RBFOX3: variants seen among roughly 807,000 people sequenced by gnomAD.
RBFOX3 encodes RNA binding fox-1 homolog 3.
In RBFOX3, 17 loss-of-function variants were observed where a neutral mutation model predicts 48.7. The observed-to-expected ratio is 0.35, with a 90% CI of 0.24 to 0.52. The LOEUF is 0.52. Ranked by LOEUF, RBFOX3 falls within the 20% of genes least tolerant of loss-of-function variation. The pLI is 0.94. For missense variants in RBFOX3, 382 were observed against 497.5 expected (o/e 0.77, Z 2.21); for synonymous variants, 212 against 209.5 (o/e 1.01, Z -0.10).
intron 4 of RBFOX3, among the ~76,000 whole-genome samples, chr17:79,138,393 G>C (rs1341920882): frequency 6.6e-6 from 1 of 151,822 alleles, no homozygotes; most frequent in Non-Finnish European, 1.5e-5. Context: ...CATACACAGT[G>C]CACACTCTCA....
At chr17:79,336,989 G>A (rs1283986820) in intron 2 of RBFOX3, among the ~76,000 whole-genome samples, 2 of 152,070 alleles carry the variant, frequency 1.3e-5, no homozygotes, top group Non-Finnish European at 1.5e-5. Context: ...GCATGGTAGT[G>A]CACGCCTGTA....
intron 2 of RBFOX3, among the ~76,000 whole-genome samples, chr17:79,465,936 TC>T (rs2076254135): frequency 6.6e-6 from 1 of 152,082 alleles, no homozygotes. Context: ...CTGCACCCAT[TC>T]CCCTCTCCCT....
the RBFOX3 span, among the ~76,000 whole-genome samples, chr17:79,641,783 A>T: frequency 5.9e-5 from 9 of 152,268 alleles, no homozygotes; most frequent in African/African-American, 2.2e-4. Flanking sequence ...GAGGTTTCTC[A>T]TGTTTTAACA....
rs1568257940 is a variant in RBFOX3, at chr17:79,442,238, A to AGGGAGG, written c.-175+40215_-175+40216insCCTCCC. Among the ~76,000 whole-genome samples the AGGGAGG allele has an allele frequency of 2.7e-4, 2 of 7,538 alleles. 1 individual carries two copies. The highest frequency in any genetic ancestry group is 3.2e-3 in the Admixed American group (2 of 618). 4.9% of individuals were successfully genotyped at this position (7,538 alleles called of 152,430 possible). On this transcript the variant is annotated intron_variant, in intron 2 of 14. Transcript: ENST00000693108. ...GGGAGAGAGAGAGAGAGAGAGAGAG[A>AGGGAGG]GAGAGAGAGAGAGAGAGAGAGAGAG...
intron 2 of RBFOX3, among the ~76,000 whole-genome samples, chr17:79,381,163 G>A (rs1299592460): frequency 6.6e-6 from 1 of 152,052 alleles, no homozygotes; most frequent in African/African-American, 2.4e-5. Flanking sequence ...AGGAGGCTGA[G>A]GCAGGAGAAT....
intron 2 of RBFOX3, among the ~76,000 whole-genome samples, chr17:79,369,323 C>G (rs1034134791): frequency 6.6e-6 from 1 of 151,786 alleles, no homozygotes. Flanking sequence ...AGTCTGCCCC[C>G]ACTCCCCGGG....
intron 2 of RBFOX3, among the ~76,000 whole-genome samples, chr17:79,336,469 A>G (rs143507731): frequency 2.0e-5 from 3 of 152,302 alleles, no homozygotes; most frequent in Non-Finnish European, 4.4e-5. Flanking sequence ...GGGGCAACCG[A>G]GCTTCTGAAA....
intron 1 of RBFOX3, among the ~76,000 whole-genome samples, chr17:79,504,446 T>C (rs1316593391): frequency 6.6e-6 from 1 of 152,286 alleles, no homozygotes; most frequent in East Asian, 1.9e-4. Context: ...AAGCTTCTTC[T>C]CTCACTGAGG....
the RBFOX3 span, among the ~76,000 whole-genome samples, chr17:79,663,217 C>T: frequency 6.6e-6 from 1 of 152,116 alleles, no homozygotes; most frequent in Non-Finnish European, 1.5e-5. Flanking sequence ...CTACCTTCCT[C>T]CAAGCCAAAT....
intron 3 of RBFOX3, among the ~76,000 whole-genome samples, chr17:79,237,516 C>T (rs2061775938): frequency 6.6e-6 from 1 of 152,246 alleles, no homozygotes; most frequent in Non-Finnish European, 1.5e-5. Flanking sequence ...CTGTCTCACC[C>T]ACAGGTGGAA....
intron 2 of RBFOX3, among the ~76,000 whole-genome samples, chr17:79,379,808 T>A (rs2059664904): frequency 6.6e-6 from 1 of 152,068 alleles, no homozygotes; most frequent in African/African-American, 2.4e-5. Flanking sequence ...GCCCCCAAGA[T>A]GCCATCCGGG....
rs2031610814 is a variant in RBFOX3 at position 79,111,708 on chromosome 17, C to T, written c.222+3786G>A. Among the ~76,000 whole-genome samples the T allele has an allele frequency of 6.6e-6, 1 of 152,268 alleles. No individual in the cohort carries two copies. The highest frequency in any genetic ancestry group is 1.5e-5 in the Non-Finnish European group (1 of 68,050). On this transcript the variant is annotated intron_variant, in intron 5 of 14. Transcript: ENST00000693108. The surrounding 1 kb of genome is among the most constrained non-coding windows in gnomAD (Gnocchi z 4.2). ...TCGGCCTCCCGAAGTGCTGGGGTGACAGGCGTGAGCCAACATGCCCGGCCC... is the reference window on the plus strand; with the variant it reads ...TCGGCCTCCCGAAGTGCTGGGGTGATAGGCGTGAGCCAACATGCCCGGCCC...
chr17:79,661,489 G>C, the RBFOX3 span, among the ~76,000 whole-genome samples: 1 of 152,064 alleles, frequency 6.6e-6, no homozygotes, highest in South Asian at 2.1e-4. Flanking sequence ...AATTTATTTG[G>C]CCACACTACT....
chr17:79,388,323 C>T lies in RBFOX3; in HGVS notation c.-174-80499G>A, dbSNP rs145277277. Among the ~76,000 whole-genome samples, 385 of 152,244 alleles carry T rather than the reference C, an allele frequency of 2.5e-3. 4 individuals carry two copies. The highest frequency in any genetic ancestry group is 8.9e-3 in the African/African-American group (370 of 41,546). On this transcript the variant is annotated intron_variant, in intron 2 of 14. Coordinates refer to ENST00000693108, the MANE Select transcript of RBFOX3 (RefSeq NM_001350451.2). ...TTGGGCCCTTCCAGGGCCTCAAAAG[C>T]ACCCAGGCATGACCACGGCTGAACG...
At chr17:79,463,649 A>G (rs1389771099) in intron 2 of RBFOX3, among the ~76,000 whole-genome samples, 9 of 144,344 alleles carry the variant, frequency 6.2e-5, no homozygotes, top group Admixed American at 5.5e-4. Context: ...CGCCACCTCC[A>G]CCACCATCGC....
chr17:79,138,831 A>ATG (rs1177802576), intron 4 of RBFOX3, among the ~76,000 whole-genome samples: 2 of 103,102 alleles, frequency 1.9e-5, no homozygotes, highest in Non-Finnish European at 3.8e-5. Context: ...CCCCTCACCC[A>ATG]CACACATGCA....
At chr17:79,665,289 C>A in the RBFOX3 span, among the ~76,000 whole-genome samples, 1 of 151,794 alleles carries the variant, frequency 6.6e-6, no homozygotes, top group Non-Finnish European at 1.5e-5. Flanking sequence ...TAGCTTTTGC[C>A]AGAAGAGCAC....
chr17:79,487,819 G>A (rs2149551584), intron 1 of RBFOX3, among the ~76,000 whole-genome samples: 1 of 150,270 alleles, frequency 6.7e-6, no homozygotes, highest in East Asian at 2.0e-4. Context: ...GGCTGAGGCA[G>A]GAGAATGGTG....
intron 2 of RBFOX3, among the ~76,000 whole-genome samples, chr17:79,458,531 A>G (rs1407089783): frequency 1.3e-5 from 2 of 152,140 alleles, no homozygotes; most frequent in Non-Finnish European, 2.9e-5. Context: ...TCGTGCGACC[A>G]TCACCGCAGT....
Sources: gnomAD v4.1 joint callset for allele counts (sites outside exome capture counted in the v4.1 genomes callset) on GRCh38, gnomAD v4.1.1 for gene constraint, Gnocchi (gnomAD v3.1) non-coding constraint, MANE v1.5 for transcripts, NCBI Gene and HGNC (gene_info 2026-07-23, HGNC 2026-07-21) for gene names.